Variants in RABGAP1L observed in about 807,000 individuals in gnomAD.
RABGAP1L encodes RAB GTPase activating protein 1 like.
RABGAP1L carries 63 observed loss-of-function variants against 137.7 expected under a neutral mutation model. The observed-to-expected ratio is 0.46, with a 90% CI of 0.37 to 0.56. The LOEUF (loss-of-function observed/expected upper bound fraction) is 0.56. RABGAP1L is among the 20% of genes least tolerant of loss of function. The pLI, the probability that RABGAP1L is intolerant of heterozygous loss-of-function variation, is 0.00. For missense variants in RABGAP1L, 1,095 were observed against 1,244.0 expected, an observed-to-expected ratio of 0.88 and a Z score of 1.80; for synonymous variants, 431 against 433.7, an observed-to-expected ratio of 0.99 and a Z score of 0.08.
chr1:174,309,524 C>T lies in RABGAP1L; in HGVS notation c.1465+4397C>T, dbSNP rs758313659. On this transcript the variant is annotated intron_variant, in intron 11 of 25. Transcript: ENST00000681986. Reference sequence around the variant, plus strand: ...ATGGCCTTATTTTATCCAGGTATATCCCTTCTATACTTAATATGTTGAGAG... The same window carrying T: ...ATGGCCTTATTTTATCCAGGTATATTCCTTCTATACTTAATATGTTGAGAG... Among the ~76,000 whole-genome samples, 3 of 151,970 alleles carry T rather than the reference C, an allele frequency of 2.0e-5. 1 individual carries two copies. Among genetic ancestry groups the T allele is most frequent in the Non-Finnish European group, 1.5e-5 (1 of 67,888 alleles).
intron 11 of RABGAP1L, among the ~76,000 whole-genome samples, chr1:174,332,481 C>G (rs191991785): frequency 6.6e-4 from 100 of 152,156 alleles, no homozygotes; most frequent in Admixed American, 9.8e-4. Context: ...ACTGCAACCT[C>G]TACGTCTGGG....
chr1:174,984,332 A>G (rs1671405744), intron 24 of RABGAP1L, among the ~76,000 whole-genome samples: 1 of 152,254 alleles, frequency 6.6e-6, no homozygotes, highest in African/African-American at 2.4e-5. Flanking sequence ...TACTATGTGC[A>G]TAGCTATTAG....
intron 14 of RABGAP1L, among the ~76,000 whole-genome samples, chr1:174,656,206 C>T (rs1372540084): frequency 6.6e-6 from 1 of 152,202 alleles, no homozygotes; most frequent in Non-Finnish European, 1.5e-5. Context: ...CCTGTAATCC[C>T]AGCACTTTGG....
intron 18 of RABGAP1L, among the ~76,000 whole-genome samples, chr1:174,754,922 T>A (rs72715294): frequency 0.21 from 32,381 of 152,182 alleles, 3,754 homozygotes; most frequent in Admixed American, 0.25. Flanking sequence ...TTCTTGAACA[T>A]TTATACTCTG....
chr1:174,262,211 T>C lies in RABGAP1L; in HGVS notation c.986+9621T>C, dbSNP rs143487680. On this transcript the variant is annotated intron_variant, in intron 7 of 25. Transcript: ENST00000681986. Reference sequence around the variant, plus strand: ...AAGCTTCTATCTGACTCTCAGCCTTTGAACTGAAACTTGTAATCAGGACAG... The same window carrying C: ...AAGCTTCTATCTGACTCTCAGCCTTCGAACTGAAACTTGTAATCAGGACAG... Among the ~76,000 whole-genome samples, 138 of 152,338 alleles carry C rather than the reference T, an allele frequency of 9.1e-4. 1 individual carries two copies. In the East Asian group the frequency reaches 0.021, roughly 23 times the overall value.
At chr1:174,257,638 A>T (rs2148618261) in intron 7 of RABGAP1L, among the ~76,000 whole-genome samples, 1 of 152,284 alleles carries the variant, frequency 6.6e-6, no homozygotes, top group East Asian at 1.9e-4. Context: ...CATTTTTTCC[A>T]GAGCACATTA....
intron 12 of RABGAP1L, among the ~76,000 whole-genome samples, chr1:174,392,245 G>A (rs577066048): frequency 3.3e-4 from 50 of 151,964 alleles, no homozygotes; most frequent in Non-Finnish European, 5.0e-4. Flanking sequence ...AAAATAAAAG[G>A]GCTACTTTCC....
intron 1 of RABGAP1L, among the ~76,000 whole-genome samples, chr1:174,197,826 T>A (rs1460122852): frequency 1.3e-5 from 2 of 151,686 alleles, no homozygotes; most frequent in Non-Finnish European, 2.9e-5. Flanking sequence ...TTATGGTGTG[T>A]GTTATGTAGA....
intron 15 of RABGAP1L, among the ~76,000 whole-genome samples, chr1:174,684,498 G>A (rs2148482487): frequency 1.3e-5 from 2 of 152,290 alleles, no homozygotes; most frequent in South Asian, 4.1e-4. Flanking sequence ...ATGGTAAGAT[G>A]GGAAATTGTG....
chr1:174,228,694 A>C (rs189336536), intron 3 of RABGAP1L, among the ~76,000 whole-genome samples: 2 of 152,298 alleles, frequency 1.3e-5, no homozygotes, highest in Admixed American at 1.3e-4. Context: ...GTCAGTGGTG[A>C]AGTTGCATAT....
intron 24 of RABGAP1L, among the ~76,000 whole-genome samples, chr1:174,988,338 G>A (rs1671783387): frequency 6.6e-6 from 1 of 152,082 alleles, no homozygotes. Context: ...ATTTGGTGTG[G>A]GGCTTGGCAT....
chr1:174,605,649 T>A (rs1166052388), intron 13 of RABGAP1L, among the ~76,000 whole-genome samples: 4 of 152,216 alleles, frequency 2.6e-5, no homozygotes, highest in Non-Finnish European at 5.9e-5. Context: ...CATGGAATAT[T>A]TACTCAACTT....
At chr1:174,244,622 A>T (rs1180381353) in intron 5 of RABGAP1L, 1 of 152,208 alleles carries the variant, frequency 6.6e-6, no homozygotes, top group Non-Finnish European at 1.5e-5. Context: ...AAGTATCTTG[A>T]GGTCAATGAT....
intron 3 of RABGAP1L, among the ~76,000 whole-genome samples, chr1:174,228,180 C>A (rs1670348297): frequency 1.3e-5 from 2 of 151,716 alleles, no homozygotes; most frequent in African/African-American, 4.8e-5. Context: ...CCTTCTTTGC[C>A]TATTTTATCA....
At chr1:174,643,129 C>T (rs1674674053) in intron 14 of RABGAP1L, among the ~76,000 whole-genome samples, 1 of 152,074 alleles carries the variant, frequency 6.6e-6, no homozygotes, top group Admixed American at 6.6e-5. Flanking sequence ...AGCGCTCCTC[C>T]TACTTCTGTG....
At chr1:174,722,007 C>T (rs987445872) in intron 17 of RABGAP1L, among the ~76,000 whole-genome samples, 4 of 152,200 alleles carry the variant, frequency 2.6e-5, no homozygotes, top group African/African-American at 4.8e-5. Flanking sequence ...TCTCAGCCCA[C>T]TGCACCCTCT....
intron 13 of RABGAP1L, among the ~76,000 whole-genome samples, chr1:174,628,986 C>T (rs1028423166): frequency 6.6e-6 from 1 of 152,122 alleles, no homozygotes; most frequent in Non-Finnish European, 1.5e-5. Flanking sequence ...AATTATTGAG[C>T]CTCTTTTTGT....
At chr1:174,550,895 T>TATACAC (rs1456087584) in intron 13 of RABGAP1L, among the ~76,000 whole-genome samples, 67 of 50,942 alleles carry the variant, frequency 1.3e-3, no homozygotes, top group South Asian at 3.6e-3. Flanking sequence ...TATATATATA[T>TATACAC]ACACACACAC....
chr1:174,833,382 G>A (rs1434024855), intron 19 of RABGAP1L, among the ~76,000 whole-genome samples: 26 of 53,828 alleles, frequency 4.8e-4, no homozygotes, highest in African/African-American at 6.7e-4. Flanking sequence ...GTGTGTGTGT[G>A]TGTGTGTGTG....
Sources: gnomAD v4.1 joint callset for allele counts (sites outside exome capture counted in the v4.1 genomes callset) on GRCh38, gnomAD v4.1.1 for gene constraint, MANE v1.5 for transcripts, NCBI Gene and HGNC (gene_info 2026-07-23, HGNC 2026-07-21) for gene names.